The following CDH1 variants were observed in gnomAD, a reference collection of about 807,000 sequenced individuals.
CDH1 encodes the protein cadherin 1, also known as cadherin-1.
A neutral mutation model predicts 84.5 loss-of-function variants in CDH1; 35 were observed. The observed-to-expected ratio is 0.41, with a 90% CI of 0.32 to 0.55. CDH1 has a LOEUF of 0.55. Among genes scored for constraint, CDH1 ranks in the 20% least tolerant of loss-of-function variants. CDH1 has a pLI of 0.19. For missense variants in CDH1, 994 were observed against 1,126.6 expected, an observed-to-expected ratio of 0.88 and a Z score of 1.68; for synonymous variants, 417 against 439.0, an observed-to-expected ratio of 0.95 and a Z score of 0.63.
At chr16:68,784,712 C>A (rs1290132061) in intron 2 of CDH1, among the ~76,000 whole-genome samples, 2 of 152,140 alleles carry the variant, frequency 1.3e-5, no homozygotes, top group African/African-American at 4.8e-5. Context: ...TTTGGATCCT[C>A]ATAGCTTAGC....
chr16:68,755,937 T>C (rs1430433854), intron 2 of CDH1, among the ~76,000 whole-genome samples: 1 of 151,848 alleles, frequency 6.6e-6, no homozygotes, highest in Non-Finnish European at 1.5e-5. Context: ...CTACTTTTTG[T>C]ATTTTTCGTA....
intron 2 of CDH1, among the ~76,000 whole-genome samples, chr16:68,792,322 C>A (rs2152123854): frequency 6.6e-6 from 1 of 152,050 alleles, no homozygotes; most frequent in South Asian, 2.1e-4. Context: ...CTCCGCCTCC[C>A]AGGTTCAAGC....
At position 68,766,103 on chromosome 16, in the gene CDH1, C is replaced by G. The variant is rs13338962; in HGVS notation, c.163+27692C>G. ...TGAAACCCCTTCTCTACTAAAAATA[C>G]AGAAAATTAGCCGGGTGTGGTGGTG... On this transcript the variant is annotated intron_variant, in intron 2 of 15. Coordinates refer to ENST00000261769, the MANE Select transcript of CDH1 (RefSeq NM_004360.5). 6.0e-3 allele frequency among the ~76,000 whole-genome samples: 920 copies of G among 152,142 alleles called. 9 individuals carry two copies. The highest frequency in any genetic ancestry group is 0.021 in the African/African-American group (878 of 41,510).
intron 2 of CDH1, among the ~76,000 whole-genome samples, chr16:68,787,669 G>A (rs1160004952): frequency 6.6e-6 from 1 of 151,504 alleles, no homozygotes; most frequent in African/African-American, 2.4e-5. Context: ...GTTTTGTTTT[G>A]TTTTTTGGAG....
chr16:68,786,534 C>CTTTTTTTTT (rs3074434), intron 2 of CDH1, among the ~76,000 whole-genome samples: 1,949 of 73,866 alleles, frequency 0.026, 104 homozygotes, highest in African/African-American at 0.046. Context: ...TTTTTTTTTT[C>CTTTTTTTTT]TTTTTTTTTT....
At chr16:68,782,094 G>A (rs764351871) in intron 2 of CDH1, among the ~76,000 whole-genome samples, 2 of 152,290 alleles carry the variant, frequency 1.3e-5, no homozygotes, top group Admixed American at 6.5e-5. Flanking sequence ...CAAGAGGGGT[G>A]GAAAAGGATT....
intron 3 of CDH1, among the ~76,000 whole-genome samples, chr16:68,804,827 T>G (rs1244757105): frequency 8.0e-6 from 1 of 124,650 alleles, no homozygotes; most frequent in Non-Finnish European, 1.7e-5. Context: ...ACAAAATCTT[T>G]TTTTTTTTTT....
intron 15 of CDH1, among the ~76,000 whole-genome samples, chr16:68,830,862 G>A (rs764274364): frequency 1.3e-5 from 2 of 152,132 alleles, no homozygotes; most frequent in Non-Finnish European, 2.9e-5. Context: ...GTGCCTGTCT[G>A]CAAGGGAGAA....
At chr16:68,767,980 A>G (rs1959438254) in intron 2 of CDH1, among the ~76,000 whole-genome samples, 1 of 148,016 alleles carries the variant, frequency 6.8e-6, no homozygotes, top group African/African-American at 2.5e-5. Context: ...TTTGAGATGG[A>G]GCTTTGCTCT....
intron 2 of CDH1, among the ~76,000 whole-genome samples, chr16:68,744,208 G>A (rs1272436718): frequency 1.3e-5 from 2 of 152,190 alleles, no homozygotes; most frequent in African/African-American, 4.8e-5. Context: ...AAATGGGCGG[G>A]GAAGAATTTG....
intron 13 of CDH1, among the ~76,000 whole-genome samples, chr16:68,825,462 A>G (rs1355482571): frequency 6.6e-6 from 1 of 152,202 alleles, no homozygotes; most frequent in Non-Finnish European, 1.5e-5. Context: ...CATGGGTGCC[A>G]TTGATCCTGC....
chr16:68,807,747 C>T (rs1960703239), intron 3 of CDH1, among the ~76,000 whole-genome samples: 1 of 152,046 alleles, frequency 6.6e-6, no homozygotes, highest in South Asian at 2.1e-4. Context: ...GTTGAGTAAG[C>T]TCTGATATTA....
intron 2 of CDH1, among the ~76,000 whole-genome samples, chr16:68,783,909 TCAAG>T (rs1456606855): frequency 6.6e-6 from 1 of 152,140 alleles, no homozygotes; most frequent in African/African-American, 2.4e-5. Flanking sequence ...ACTCCTGACC[TCAAG>T]CAATCTACCC....
chr16:68,832,225 G>C (rs1172339265), intron 15 of CDH1, among the ~76,000 whole-genome samples: 1 of 151,978 alleles, frequency 6.6e-6, no homozygotes, highest in Non-Finnish European at 1.5e-5. Flanking sequence ...AAATCCCCAT[G>C]ACATGAGTTT....
intron 10 of CDH1, 44 bp from the exon 11 acceptor site, chr16:68,819,236 G>C: frequency 2.5e-6 from 4 of 1,612,520 alleles, no homozygotes; most frequent in Non-Finnish European, 3.4e-6. Context: ...GCTACATGTT[G>C]TTTGCTGGTC....
rs368492235 is a variant in CDH1 at position 68,801,810 on chromosome 16, G to T, written c.304G>T (p.Ala102Ser). The T allele has an allele frequency of 2.5e-6, 4 of 1,614,174 alleles. No homozygotes were observed. The highest frequency in any genetic ancestry group is 3.4e-6 in the Non-Finnish European group (4 of 1,180,028). ...CCCACAGATCCATTTCTTGGTCTAC[G>T]CCTGGGACTCCACCTACAGAAAGTT... ...HNPQIHFLVY[A>S]WDSTYRKFST... is the part of the protein sequence containing the mutation. Residue 102 changes from alanine to serine, a missense_variant, in exon 3 of 16, where the codon GCC becomes TCC. Ala to Ser is a moderately conservative substitution (Grantham distance 99). Transcript: ENST00000261769.
intron 2 of CDH1, among the ~76,000 whole-genome samples, chr16:68,775,839 A>G (rs190240829): frequency 7.2e-5 from 11 of 152,348 alleles, no homozygotes; most frequent in Admixed American, 3.3e-4. Flanking sequence ...GTCGTTTTCC[A>G]AAGCTGTCAC....
intron 2 of CDH1, among the ~76,000 whole-genome samples, chr16:68,751,952 ATTT>A (rs34163550): frequency 8.8e-5 from 11 of 125,694 alleles, no homozygotes; most frequent in South Asian, 2.6e-4. Context: ...GTATTTTTGT[ATTT>A]TTTTTTTTTT....
chr16:68,776,090 C>G (rs534292017), intron 2 of CDH1, among the ~76,000 whole-genome samples: 26 of 152,328 alleles, frequency 1.7e-4, no homozygotes, highest in African/African-American at 5.5e-4. Context: ...TCAGGCTACT[C>G]TTGTGCCTCA....
Sources: gnomAD v4.1 joint callset for allele counts (sites outside exome capture counted in the v4.1 genomes callset) on GRCh38, gnomAD v4.1.1 for gene constraint, MANE v1.5 for transcripts, NCBI Gene and HGNC (gene_info 2026-07-23, HGNC 2026-07-21) for gene names.